The following FANCD2 variants were observed in gnomAD, a reference collection of about 807,000 sequenced individuals.
FANCD2 encodes the protein Fanconi anemia group D2 protein.
Under a neutral mutation model 192.3 loss-of-function variants are expected in FANCD2, and 131 were observed. The observed-to-expected ratio is 0.68, with a 90% CI of 0.59 to 0.79. The LOEUF (loss-of-function observed/expected upper bound fraction) is 0.79, where lower values mean the gene tolerates loss of function less well. Ranked by LOEUF, FANCD2 falls within the 30% of genes least tolerant of loss-of-function variation. FANCD2 has a pLI of 0.00. For missense variants in FANCD2, 1,508 were observed against 1,701.6 expected (o/e 0.89, Z 2.00); for synonymous variants, 524 against 612.5 (o/e 0.86, Z 2.13).
At chr3:10,069,245 C>T (rs1482443883) in intron 26 of FANCD2, among the ~76,000 whole-genome samples, 2 of 148,660 alleles carry the variant, frequency 1.3e-5, no homozygotes, top group African/African-American at 2.6e-5. Context: ...AAAATATTTG[C>T]AAACTATGTA....
intron 2 of FANCD2, chr3:10,032,369 C>T: frequency 2.9e-6 from 1 of 347,656 alleles, no homozygotes; most frequent in Non-Finnish European, 5.6e-6. Flanking sequence ...TAGCCTCAAC[C>T]TCCTGGGCTC....
At chr3:10,098,023 GT>G (rs1276556737) in intron 42 of FANCD2, among the ~76,000 whole-genome samples, 1 of 152,064 alleles carries the variant, frequency 6.6e-6, no homozygotes, top group Non-Finnish European at 1.5e-5. Context: ...GAAATCTTGT[GT>G]TGTTTATAAT....
intron 14 of FANCD2, among the ~76,000 whole-genome samples, chr3:10,044,178 C>G (rs2086939121): frequency 6.6e-6 from 1 of 152,180 alleles, no homozygotes; most frequent in African/African-American, 2.4e-5. Context: ...AGAAAATAAC[C>G]ACCTAAGTCT....
At chr3:10,050,050 G>C (rs1418630564) in intron 17 of FANCD2, among the ~76,000 whole-genome samples, 12 of 152,182 alleles carry the variant, frequency 7.9e-5, no homozygotes, top group Admixed American at 7.9e-4. Flanking sequence ...GTAAGACATA[G>C]GACAGGCCCA....
chr3:10,056,603 T>G lies in FANCD2; in HGVS notation c.1657-3691T>G, dbSNP rs575519373. Among the ~76,000 whole-genome samples the G allele has an allele frequency of 7.4e-4, 112 of 152,280 alleles. 1 individual carries two copies. In the South Asian group the frequency reaches 0.018, roughly 25 times the overall value. On this transcript the variant is annotated intron_variant, in intron 18 of 43. Transcript: ENST00000675286. ...CTGCAGTGCAGTGGCGTGATCATAC[T>G]TCACTGCAGCCTGGAAATCCTGTGC...
At chr3:10,059,887 A>G (rs1206623076) in intron 18 of FANCD2, among the ~76,000 whole-genome samples, 4 of 151,954 alleles carry the variant, frequency 2.6e-5, no homozygotes, top group African/African-American at 9.7e-5. Context: ...AAAGACACAC[A>G]GGGCTGGGTA....
At chr3:10,062,859 A>G (rs1400651301) in intron 20 of FANCD2, among the ~76,000 whole-genome samples, 1 of 151,720 alleles carries the variant, frequency 6.6e-6, no homozygotes, top group Non-Finnish European at 1.5e-5. Context: ...TTAAATTTGT[A>G]TTTTTAGTAG....
intron 26 of FANCD2, among the ~76,000 whole-genome samples, chr3:10,070,547 G>T (rs1559393087): frequency 7.1e-6 from 1 of 140,918 alleles, no homozygotes; most frequent in Admixed American, 6.9e-5. Context: ...CCGTCCGGGA[G>T]GTGAGGGGCG....
chr3:10,073,969 G>A (rs1188411478), intron 28 of FANCD2, among the ~76,000 whole-genome samples: 1 of 151,514 alleles, frequency 6.6e-6, no homozygotes, highest in Non-Finnish European at 1.5e-5. Flanking sequence ...TTTTTGAGAT[G>A]GAGTCTCACT....
intron 18 of FANCD2, among the ~76,000 whole-genome samples, chr3:10,059,225 G>T (rs2087494926): frequency 6.6e-6 from 1 of 151,950 alleles, no homozygotes; most frequent in South Asian, 2.1e-4. Flanking sequence ...TGTTACCCAG[G>T]CTGGTCTTGA....
intron 40 of FANCD2, among the ~76,000 whole-genome samples, chr3:10,094,564 T>C (rs1312141117): frequency 6.6e-6 from 1 of 152,212 alleles, no homozygotes; most frequent in African/African-American, 2.4e-5. Flanking sequence ...CAAACCCACC[T>C]TTCTATTTCT....
chr3:10,041,857 T>C (rs867354068), intron 10 of FANCD2, 147 bp downstream of exon 10: 507 of 607,046 alleles, frequency 8.4e-4, no homozygotes, highest in African/African-American at 4.3e-3. Context: ...TTTTTTTTTT[T>C]CCCCTCAATG....
chr3:10,091,336 C>T (rs1559406555), intron 37 of FANCD2, among the ~76,000 whole-genome samples: 1 of 151,526 alleles, frequency 6.6e-6, no homozygotes, highest in African/African-American at 2.4e-5. Context: ...CCGCCTCAGC[C>T]TCCCAAAGTG....
Position 10,034,777 on chromosome 3 carries a change from G to C in FANCD2, c.356G>C (p.Arg119Pro). The part of the protein sequence containing the change: ...SFRNCLLSCE[R>P]LQDEEASMGA... The stretch of plus-strand genomic sequence containing the variant: ...AGGAACTGCCTTTTGTCTTGTGAGC[G>C]TCTGCAGGATGAGGAAGCCAGGTGT... Residue 119 changes from arginine to proline, a missense_variant, in exon 5 of 44, where the codon CGT becomes CCT. Arg to Pro is a moderately radical substitution (Grantham distance 103). This residue lies in a region of FANCD2 where 435 missense variants were observed against 421.9 expected (regional missense o/e 1.03). Transcript: ENST00000675286. 1 of 1,559,902 alleles carries C rather than the reference G, an allele frequency of 6.4e-7. No homozygotes were observed. Among genetic ancestry groups the C allele is most frequent in the Non-Finnish European group, 8.7e-7 (1 of 1,151,380 alleles).
In FANCD2 at chr3:10,090,443, A is replaced by AT. The variant is rs773716319; in HGVS notation, c.3777+86dup. 28,950 of 326,272 alleles carry AT rather than the reference A, an allele frequency of 0.089. 253 individuals are homozygous for AT. The highest frequency in any genetic ancestry group is 0.11 in the South Asian group (4,715 of 42,568). The allele number at this position is 326,272 out of a possible 1,614,324, so 20.2% of individuals were successfully genotyped here. ...ACTTTGGATTACTTGGAAGTTGCTG[A>AT]TTTTTTTTTTTTTTTTTTTTTTTTT... On this transcript the variant is annotated intron_variant, in intron 37 of 43. Coordinates refer to ENST00000675286, the MANE Select transcript of FANCD2 (RefSeq NM_001018115.3).
chr3:10,096,523 C>G, intron 42 of FANCD2, 51 bp downstream of exon 42: 1 of 1,574,590 alleles, frequency 6.4e-7, no homozygotes, highest in African/African-American at 1.4e-5. Flanking sequence ...TTCTTTGTGA[C>G]AGCATCAGAT....
chr3:10,028,880 T>C (rs1278775350), intron 2 of FANCD2, among the ~76,000 whole-genome samples, 159 bp downstream of exon 2: 1 of 152,204 alleles, frequency 6.6e-6, no homozygotes, highest in Non-Finnish European at 1.5e-5. Flanking sequence ...ACTGAGTTTT[T>C]GCCTCGAATT....
intron 24 of FANCD2, 109 bp downstream of exon 24, chr3:10,065,603 C>T: frequency 2.5e-6 from 2 of 805,976 alleles, no homozygotes; most frequent in Non-Finnish European, 4.4e-6. Context: ...TTTCTAACTT[C>T]AGCAGAATAG....
intron 32 of FANCD2, among the ~76,000 whole-genome samples, chr3:10,084,138 C>A (rs1254827707): frequency 1.3e-5 from 2 of 151,662 alleles, no homozygotes; most frequent in Non-Finnish European, 2.9e-5. Flanking sequence ...AGATTACATG[C>A]GCCTGCCACT....
Sources: allele counts gnomAD v4.1 joint callset (sites outside exome capture counted in the v4.1 genomes callset), GRCh38; gene constraint gnomAD v4.1.1; regional missense constraint gnomAD v4.1.1; transcripts MANE v1.5; gene names NCBI Gene and HGNC (gene_info 2026-07-23, HGNC 2026-07-21).